PRMT8: variants seen among roughly 807,000 people sequenced by gnomAD.
PRMT8 encodes the protein protein arginine N-methyltransferase 8.
In PRMT8, 7 loss-of-function variants were observed where a neutral mutation model predicts 47.1. That is an observed-to-expected ratio of 0.15 (90% CI 0.08 to 0.28). The LOEUF (loss-of-function observed/expected upper bound fraction) is 0.28. PRMT8 is among the 10% of genes least tolerant of loss of function. The pLI, the probability that PRMT8 is intolerant of heterozygous loss-of-function variation, is 1.00. For missense variants in PRMT8, 237 were observed against 505.4 expected, an observed-to-expected ratio of 0.47 and a Z score of 5.09; for synonymous variants, 188 against 186.5, an observed-to-expected ratio of 1.01 and a Z score of -0.07.
intron 1 of PRMT8, among the ~76,000 whole-genome samples, chr12:3,472,783 T>C (rs1865173461): frequency 1.3e-5 from 2 of 151,466 alleles, no homozygotes; most frequent in Admixed American, 1.3e-4. Flanking sequence ...GAATGGGAGG[T>C]CCAAAGCTCC....
intron 6 of PRMT8, among the ~76,000 whole-genome samples, chr12:3,573,701 C>T (rs1178268334): frequency 6.6e-6 from 1 of 152,118 alleles, no homozygotes; most frequent in Non-Finnish European, 1.5e-5. Context: ...TTTGTTGTTG[C>T]TTTAATTACA....
chr12:3,420,226 C>G (rs2137060799), intron 1 of PRMT8, among the ~76,000 whole-genome samples: 1 of 152,228 alleles, frequency 6.6e-6, no homozygotes, highest in Non-Finnish European at 1.5e-5. Context: ...CTCCAGACAG[C>G]TCATCCTGAT....
intron 1 of PRMT8, among the ~76,000 whole-genome samples, chr12:3,530,318 A>G (rs940433515): frequency 5.9e-5 from 9 of 152,200 alleles, no homozygotes; most frequent in African/African-American, 2.2e-4. Flanking sequence ...CCATTATCAC[A>G]TCTTTCTTAT....
At chr12:3,463,529 C>G (rs1002642965) in intron 1 of PRMT8, 2 of 152,200 alleles carry the variant, frequency 1.3e-5, no homozygotes, top group African/African-American at 2.4e-5. Context: ...GCTGTGTACT[C>G]TAGGACAAGC....
chr12:3,469,313 G>A, intron 1 of PRMT8: 1 of 404,610 alleles, frequency 2.5e-6, no homozygotes, highest in Non-Finnish European at 4.8e-6. Context: ...GAGTCCTTAA[G>A]ATTGAAGGCA....
At chr12:3,444,471 G>A (rs1332849155) in intron 1 of PRMT8, among the ~76,000 whole-genome samples, 1 of 152,190 alleles carries the variant, frequency 6.6e-6, no homozygotes, top group African/African-American at 2.4e-5. Flanking sequence ...GCTTTCCTCC[G>A]AAGTCACCCA....
intron 6 of PRMT8, among the ~76,000 whole-genome samples, chr12:3,571,286 C>G (rs148034653): frequency 8.5e-5 from 13 of 152,284 alleles, no homozygotes; most frequent in Non-Finnish European, 1.8e-4. Context: ...TGATCAAATG[C>G]ATGTATAAAT....
At chr12:3,544,127 A>C (rs937084903) in intron 2 of PRMT8, among the ~76,000 whole-genome samples, 2 of 152,222 alleles carry the variant, frequency 1.3e-5, no homozygotes, top group East Asian at 1.9e-4. Context: ...ATAGGCAGGA[A>C]AGCCAGGACA....
Position 3,567,000 on chromosome 12 carries a change from T to C in PRMT8, c.482-1706T>C, listed in dbSNP as rs569168177. 6.6e-6 allele frequency among the ~76,000 whole-genome samples: 1 copy of C among 152,352 alleles called. No individual in the cohort carries two copies. Among genetic ancestry groups the C allele is most frequent in the South Asian group, 2.1e-4 (1 of 4,832 alleles). On this transcript the variant is annotated intron_variant, in intron 4 of 9. Transcript: ENST00000382622. This position sits in a 1 kb window ranked among gnomAD's most constrained non-coding sequence, Gnocchi z 4.7. ...AAATTATGTGTATGTCTATGTCAGT[T>C]TATCAAAAACTCAACTAAGAAGTGT... is the stretch of plus-strand genomic sequence containing the variant.
At chr12:3,430,634 T>C (rs1864665742) in intron 1 of PRMT8, among the ~76,000 whole-genome samples, 1 of 152,262 alleles carries the variant, frequency 6.6e-6, no homozygotes, top group Non-Finnish European at 1.5e-5. Flanking sequence ...TCAAGTGACG[T>C]AGTTTCACAT....
intron 3 of PRMT8, chr12:3,553,334 C>T (rs1866461826): frequency 2.3e-6 from 1 of 431,018 alleles, no homozygotes; most frequent in East Asian, 4.1e-5. Flanking sequence ...GACGTACTGC[C>T]TCCTGCCATT....
intron 1 of PRMT8, among the ~76,000 whole-genome samples, chr12:3,411,229 C>T (rs1294670512): frequency 6.6e-6 from 1 of 152,218 alleles, no homozygotes; most frequent in Non-Finnish European, 1.5e-5. Context: ...ATTCACTTCT[C>T]AGCTCCTGAT....
chr12:3,458,823 G>A (rs1865005040), intron 1 of PRMT8, among the ~76,000 whole-genome samples: 1 of 152,192 alleles, frequency 6.6e-6, no homozygotes, highest in African/African-American at 2.4e-5. Context: ...CCTTCCGAGG[G>A]CTGTCACTAA....
intron 2 of PRMT8, among the ~76,000 whole-genome samples, chr12:3,544,770 CTTTG>C (rs1866299434): frequency 6.6e-6 from 1 of 152,158 alleles, no homozygotes; most frequent in South Asian, 2.1e-4. Flanking sequence ...TTAGTTGGGC[CTTTG>C]TTTGCCTTGC....
chr12:3,591,719 G>A (rs1867310566), intron 8 of PRMT8, among the ~76,000 whole-genome samples: 1 of 152,154 alleles, frequency 6.6e-6, no homozygotes. Flanking sequence ...TTGTAAGATT[G>A]AGGACCAAGT....
chr12:3,428,053 T>C (rs1258995079), intron 1 of PRMT8, among the ~76,000 whole-genome samples: 1 of 152,208 alleles, frequency 6.6e-6, no homozygotes, highest in Admixed American at 6.5e-5. Flanking sequence ...AACTTAGAAT[T>C]GGTATAGATG....
At chr12:3,415,308 C>CG (rs1390793131) in intron 1 of PRMT8, among the ~76,000 whole-genome samples, 3 of 152,134 alleles carry the variant, frequency 2.0e-5, no homozygotes, top group African/African-American at 7.2e-5. Context: ...TGGAAGCCCC[C>CG]CGAACCCAGT....
chr12:3,484,097 C>T (rs1865299747), intron 1 of PRMT8, among the ~76,000 whole-genome samples: 2 of 152,178 alleles, frequency 1.3e-5, no homozygotes, highest in South Asian at 4.1e-4. Context: ...TACAGGCCTC[C>T]TTTGTAAACC....
chr12:3,591,375 C>T (rs1212081240), intron 8 of PRMT8, among the ~76,000 whole-genome samples: 1 of 151,482 alleles, frequency 6.6e-6, no homozygotes, highest in African/African-American at 2.4e-5. Flanking sequence ...AGGTTTAGTT[C>T]CCCGTGCACA....
Sources: allele counts gnomAD v4.1 joint callset (sites outside exome capture counted in the v4.1 genomes callset), GRCh38; gene constraint gnomAD v4.1.1; non-coding constraint Gnocchi (gnomAD v3.1); transcripts MANE v1.5; gene names NCBI Gene and HGNC (gene_info 2026-07-23, HGNC 2026-07-21).